Variants in PLCXD1 observed in about 807,000 individuals in gnomAD.
PLCXD1 encodes the protein PI-PLC X domain-containing protein 1.
In PLCXD1, 45 loss-of-function variants were observed where a neutral mutation model predicts 37.8. The ratio of observed to expected loss-of-function variants is 1.19; its 90% CI spans 0.94 to 1.53. The LOEUF is 1.53. PLCXD1 is among the 40% of genes most tolerant of loss of function. The pLI is 0.00. For synonymous variants in PLCXD1, 246 were observed against 206.9 expected, an observed-to-expected ratio of 1.19 and a Z score of -1.62; for missense variants, 539 against 454.7, an observed-to-expected ratio of 1.19 and a Z score of -1.69.
chrX:296,245 C>T (rs781492014), intron 6 of PLCXD1, among the ~76,000 whole-genome samples: 2 of 152,086 alleles, frequency 1.3e-5, no homozygotes, highest in Non-Finnish European at 1.5e-5. Context: ...CTCAGCCTCC[C>T]GAGTAGCTGG....
At chrX:299,026 G>C in intron 6 of PLCXD1, 71 bp from the exon 7 acceptor site, 1 of 1,132,532 alleles carries the variant, frequency 8.8e-7, no homozygotes, top group Non-Finnish European at 1.3e-6. Context: ...CTCTAATAAT[G>C]TGACTAGGAG....
At position 284,274 on chromosome X, in the gene PLCXD1, C is replaced by A. The variant is rs1308447646; in HGVS notation, c.87C>A (p.Pro29=). The change falls in exon 2 of 7, where the codon CCC becomes CCA. Residue 29 remains proline, a synonymous_variant. Transcript: ENST00000381657. The part of the protein sequence containing the change: ...ANEDWMSALC[P]RLWDVPLHHL... ...AGGACTGGATGTCGGCACTGTGTCC[C>A]CGGCTCTGGGATGTGCCCCTCCACC... 1 of 1,613,572 alleles carries A rather than the reference C, an allele frequency of 6.2e-7. No homozygotes were observed. The highest frequency in any genetic ancestry group is 2.2e-5 in the East Asian group (1 of 44,888).
chrX:296,549 T>G (rs1422277885), intron 6 of PLCXD1, among the ~76,000 whole-genome samples: 1 of 152,168 alleles, frequency 6.6e-6, no homozygotes, highest in Non-Finnish European at 1.5e-5. Context: ...CTGGGGGAGC[T>G]TCTTCAAATA....
Position 300,124 on chromosome X carries a change from G to A in PLCXD1, c.*789G>A, listed in dbSNP as rs2069957849. 6.6e-6 allele frequency: 1 copy of A among 151,316 alleles called. No homozygotes were observed. The highest frequency in any genetic ancestry group is 6.6e-5 in the Admixed American group (1 of 15,166). 9.4% of individuals were successfully genotyped at this position (151,316 alleles called of 1,614,324 possible). A position where few individuals can be genotyped will look rare whatever the true frequency, so the allele number is the denominator to read the frequency against. ...GTTGGTCTTGAACTCCTGGCCTCAA[G>A]TGATCCTCCCACCTCAGCCTCCCAG... On this transcript the variant is annotated 3_prime_UTR_variant, in exon 7 of 7. Coordinates refer to ENST00000381657, the MANE Select transcript of PLCXD1 (RefSeq NM_018390.4).
At chrX:276,742 T>C (rs2069164516), upstream of PLCXD1, among the ~76,000 whole-genome samples, 1 of 152,122 alleles carries the variant, frequency 6.6e-6, no homozygotes, top group East Asian at 1.9e-4. Context: ...GTCCTCACCC[T>C]GCCGCCGGGG....
intron 3 of PLCXD1, among the ~76,000 whole-genome samples, chrX:289,516 CTTTTT>C (rs759211019): frequency 7.4e-6 from 1 of 135,284 alleles, no homozygotes; most frequent in Non-Finnish European, 1.5e-5. Context: ...CTTTCTTTTT[CTTTTT>C]TTTTTTTTTG....
chrX:299,352 T>C lies in PLCXD1; in HGVS notation c.*17T>C. On this transcript the variant is annotated 3_prime_UTR_variant, in exon 7 of 7. Coordinates refer to ENST00000381657, the MANE Select transcript of PLCXD1 (RefSeq NM_018390.4). ...TGGTGCTGACGGGACCCTTCTGAAG[T>C]TCGGGACGCGGCGGCTGCAGTTTCA... 1 of 1,572,356 alleles carries C rather than the reference T, an allele frequency of 6.4e-7. No individual in the cohort carries two copies. The highest frequency in any genetic ancestry group is 2.2e-5 in the East Asian group (1 of 44,478).
chrX:288,393 A>G (rs1278518445), intron 2 of PLCXD1, among the ~76,000 whole-genome samples: 1 of 151,516 alleles, frequency 6.6e-6, no homozygotes, highest in Non-Finnish European at 1.5e-5. Flanking sequence ...GCATCACTCC[A>G]GTCTCTGCCT....
rs200848983 is a variant in PLCXD1 at position 302,247 on chromosome X, AAAGTCCTACAGGTAC to A, written c.*2916_*2930del. 0.43 allele frequency: 64,101 copies of A among 148,716 alleles called. 14,648 individuals carry two copies. Among genetic ancestry groups the A allele is most frequent in the African/African-American group, 0.58 (23,870 of 40,912 alleles). The allele number at this position is 148,716 out of a possible 1,614,324, so 9.2% of individuals were successfully genotyped here. On this transcript the variant is annotated 3_prime_UTR_variant, in exon 7 of 7. Coordinates refer to ENST00000381657, the MANE Select transcript of PLCXD1 (RefSeq NM_018390.4). ...CTAGTCCCGGTCACCTCCGTGAATT[AAAGTCCTACAGGTAC>A]AAGGGAGACCCCCCCCCCACGGAAG...
At chrX:291,071 A>T (rs2069619058) in intron 4 of PLCXD1, among the ~76,000 whole-genome samples, 1 of 151,854 alleles carries the variant, frequency 6.6e-6, no homozygotes. Flanking sequence ...CCGGTCTTTA[A>T]TGGAAGGGTG....
Position 284,201 on chromosome X carries a change from T to A in PLCXD1, c.14T>A (p.Val5Glu), listed in dbSNP as rs766949565. Reference sequence around the variant, plus strand: ...GGCTCACCTCTGATGGGTGGGCAGGTGAGCGCTTCCAACAGCTTCTCGAGG... The same window carrying A: ...GGCTCACCTCTGATGGGTGGGCAGGAGAGCGCTTCCAACAGCTTCTCGAGG... MGGQVSASNSFSRLH... is the reference protein window; with the variant it reads MGGQESASNSFSRLH... The change falls in exon 2 of 7, where the codon GTG becomes GAG. Residue 5 changes from valine (V) to glutamate (E), a missense_variant. By Grantham distance (121) the Val-to-Glu change is moderately radical. Transcript: ENST00000381657. 1 of 1,613,328 alleles carries A rather than the reference T, an allele frequency of 6.2e-7. No individual in the cohort carries two copies. Among genetic ancestry groups the A allele is most frequent in the Non-Finnish European group, 8.5e-7 (1 of 1,179,814 alleles).
chrX:285,997 G>A (rs6644970), intron 2 of PLCXD1, among the ~76,000 whole-genome samples: 53,316 of 151,750 alleles, frequency 0.35, 10,728 homozygotes, highest in East Asian at 0.53. Flanking sequence ...AAGTGGCATC[G>A]AGCACTGATC....
At chrX:286,007 C>G (rs761360309) in intron 2 of PLCXD1, among the ~76,000 whole-genome samples, 6 of 151,966 alleles carry the variant, frequency 3.9e-5, no homozygotes, top group African/African-American at 9.7e-5. Context: ...GAGCACTGAT[C>G]GCGTTCTTCC....
At chrX:299,008 A>G in intron 6 of PLCXD1, 89 bp from the exon 7 acceptor site, 1 of 988,850 alleles carries the variant, frequency 1.0e-6, no homozygotes, top group South Asian at 1.3e-5. Context: ...AATTCCTGAG[A>G]TGCGAACCTC....
chrX:291,788 C>A, intron 5 of PLCXD1, 134 bp downstream of exon 5: 1 of 984,158 alleles, frequency 1.0e-6, no homozygotes, highest in Non-Finnish European at 1.6e-6. Flanking sequence ...ACGGGGGCTG[C>A]CTGCTCTCCC....
chrX:298,829 A>G (rs1205101653), intron 6 of PLCXD1, among the ~76,000 whole-genome samples: 1 of 148,474 alleles, frequency 6.7e-6, no homozygotes, highest in Admixed American at 6.7e-5. Flanking sequence ...CTTTGGGGCC[A>G]TTATTCTGTC....
rs370174207 is a variant in PLCXD1 at position 291,538 on chromosome X, C to A, written c.433C>A (p.Pro145Thr). 216 of 1,612,806 alleles carry A rather than the reference C, an allele frequency of 1.3e-4. No individual in the cohort carries two copies. Among genetic ancestry groups the A allele is most frequent in the Non-Finnish European group, 1.8e-4 (207 of 1,179,858 alleles). ...AATCTCGGAGTGGCTGGAGCGGCAT[C>A]CACGCGAGGTGGTCATCCTGGCCTG... The part of the protein sequence containing the change: ...TEISEWLERH[P>T]REVVILACRN... The change falls in exon 5 of 7, where the codon CCA (proline) becomes ACA (threonine). Residue 145 changes from proline to threonine, a missense_variant. Pro to Thr is a conservative substitution (Grantham distance 38). Coordinates refer to ENST00000381657, the MANE Select transcript of PLCXD1 (RefSeq NM_018390.4).
rs532372897 is a variant in PLCXD1 at position 285,930 on chromosome X, C to T, written c.127+1616C>T. On this transcript the variant is annotated intron_variant, in intron 2 of 6. Coordinates refer to ENST00000381657, the MANE Select transcript of PLCXD1 (RefSeq NM_018390.4). ...GACGGGAGCTTCTAAAGAAAGTGCA[C>T]ATCAGGAGAGGGGGTGATGATGAAA... is the stretch of plus-strand genomic sequence containing the variant. Among the ~76,000 whole-genome samples the T allele has an allele frequency of 9.3e-4, 142 of 152,218 alleles. 1 individual carries two copies. The South Asian group carries it at 0.028, about 30-fold the overall frequency.
rs1168178383 is a variant in PLCXD1, at chrX:302,982, T to G, written c.*3647T>G. The G allele has an allele frequency of 6.6e-6, 1 of 152,210 alleles. No homozygotes were observed. The highest frequency in any genetic ancestry group is 1.5e-5 in the Non-Finnish European group (1 of 68,042). 9.4% of individuals were successfully genotyped at this position (152,210 alleles called of 1,614,324 possible). On this transcript the variant is annotated 3_prime_UTR_variant, in exon 7 of 7. Transcript: ENST00000381657. ...TCCCCTTTCCCAAGCAAATCGTGCA[T>G]TTTTGTCTAACGAGAGACATCAGTT... is the stretch of plus-strand genomic sequence containing the variant.
Sources: allele counts gnomAD v4.1 joint callset (sites outside exome capture counted in the v4.1 genomes callset), GRCh38; gene constraint gnomAD v4.1.1; transcripts MANE v1.5; gene names NCBI Gene and HGNC (gene_info 2026-07-23, HGNC 2026-07-21).